The following SDK2 variants were observed in gnomAD, a reference collection of about 807,000 sequenced individuals.
SDK2 encodes the protein sidekick cell adhesion molecule 2.
A neutral mutation model predicts 253.9 loss-of-function variants in SDK2; 105 were observed. That is an observed-to-expected ratio of 0.41 (90% CI 0.35 to 0.49). The LOEUF is 0.49. SDK2 is among the 20% of genes least tolerant of loss of function. The probability of loss-of-function intolerance (pLI) is 0.06; values close to 1 mark genes in which losing one functional copy is unlikely to be tolerated. For missense variants in SDK2, 2,608 were observed against 3,003.0 expected (o/e 0.87, Z 3.07); for synonymous variants, 1,249 against 1,234.9 (o/e 1.01, Z -0.24).
Position 73,601,415 on chromosome 17 carries a change from G to A in SDK2, c.64+42610C>T, listed in dbSNP as rs573424107. Among the ~76,000 whole-genome samples, 5 of 152,320 alleles carry A rather than the reference G, an allele frequency of 3.3e-5. No homozygotes were observed. In the South Asian group the frequency reaches 8.3e-4, roughly 25 times the overall value. ...AATTCATGTCCACCCAGAACCTCAC[G>A]ATGTGGCCTAATTTGGAAAGAAGGT... On this transcript the variant is annotated intron_variant, in intron 1 of 44. Coordinates refer to ENST00000392650, the MANE Select transcript of SDK2 (RefSeq NM_001144952.2).
intron 1 of SDK2, among the ~76,000 whole-genome samples, chr17:73,575,896 G>T (rs754049769): frequency 6.6e-6 from 1 of 152,138 alleles, no homozygotes; most frequent in Non-Finnish European, 1.5e-5. Context: ...CAGTCTCAAG[G>T]GGGAGAGGAG....
At chr17:73,571,719 C>T (rs573272887) in intron 1 of SDK2, among the ~76,000 whole-genome samples, 53 of 152,236 alleles carry the variant, frequency 3.5e-4, no homozygotes, top group Non-Finnish European at 4.3e-4. Context: ...CGTTTCCCGC[C>T]CGGCCTGCCT....
At chr17:73,532,163 G>A (rs1206281561) in intron 1 of SDK2, among the ~76,000 whole-genome samples, 1 of 152,200 alleles carries the variant, frequency 6.6e-6, no homozygotes, top group African/African-American at 2.4e-5. Context: ...CTAGTGGGTA[G>A]AGGCCAGGCT....
intron 1 of SDK2, among the ~76,000 whole-genome samples, chr17:73,590,645 A>G (rs1245179553): frequency 1.3e-5 from 2 of 152,224 alleles, no homozygotes; most frequent in Non-Finnish European, 2.9e-5. Flanking sequence ...GGGCATGGCC[A>G]ACCCGGAGAG....
Position 73,401,205 on chromosome 17 carries a change from C to T in SDK2, c.2786G>A (p.Arg929Gln), listed in dbSNP as rs191033175. ...TCGATTGTACTCCTCCCAGGAGATC[C>T]GGTACCCTGGGGAGAGCCGCCGTGT... ...GEKNGILTGY[R>Q]ISWEEYNRTN... Residue 929 changes from arginine to glutamine, a missense_variant, in exon 21 of 45, where the codon CGG (arginine) becomes CAG (glutamine). Arg to Gln is a conservative substitution (Grantham distance 43, BLOSUM62 1). Transcript: ENST00000392650. 36 of 1,548,508 alleles carry T rather than the reference C, an allele frequency of 2.3e-5. No individual in the cohort carries two copies. The highest frequency in any genetic ancestry group is 2.7e-5 in the African/African-American group (2 of 73,160).
chr17:73,590,649 C>A (rs186217157), intron 1 of SDK2, among the ~76,000 whole-genome samples: 1 of 152,152 alleles, frequency 6.6e-6, no homozygotes, highest in African/African-American at 2.4e-5. Context: ...ATGGCCAACC[C>A]GGAGAGTCAC....
At chr17:73,631,261 G>T (rs919373876) in intron 1 of SDK2, among the ~76,000 whole-genome samples, 2 of 152,192 alleles carry the variant, frequency 1.3e-5, no homozygotes, top group Non-Finnish European at 2.9e-5. Context: ...ACAACGGTCT[G>T]CCGGCCAACC....
intron 1 of SDK2, among the ~76,000 whole-genome samples, chr17:73,596,976 G>C (rs958596194): frequency 6.6e-6 from 1 of 152,142 alleles, no homozygotes; most frequent in Admixed American, 6.5e-5. Flanking sequence ...GACTCTGGTC[G>C]GGAGTCCGGC....
chr17:73,609,768 C>A lies in SDK2; in HGVS notation c.64+34257G>T, dbSNP rs1226981861. Among the ~76,000 whole-genome samples the A allele has an allele frequency of 6.6e-6, 1 of 152,190 alleles. No homozygotes were observed. Among genetic ancestry groups the A allele is most frequent in the East Asian group, 1.9e-4 (1 of 5,192 alleles). ...CAAAGCACAGGAGGGAGGGAGGGAA[C>A]TGCTGGGGCCAAAGTGGGAAAGAGA... On this transcript the variant is annotated intron_variant, in intron 1 of 44. Transcript: ENST00000392650. This position sits in a 1 kb window ranked among gnomAD's most constrained non-coding sequence, Gnocchi z 4.4.
At chr17:73,577,904 G>T (rs2045478602) in intron 1 of SDK2, among the ~76,000 whole-genome samples, 1 of 152,186 alleles carries the variant, frequency 6.6e-6, no homozygotes, top group South Asian at 2.1e-4. Context: ...TGAATTCTGA[G>T]TGGGACCAGT....
chr17:73,629,388 T>C lies in SDK2; in HGVS notation c.64+14637A>G, dbSNP rs905777779. On this transcript the variant is annotated intron_variant, in intron 1 of 44. Coordinates refer to ENST00000392650, the MANE Select transcript of SDK2 (RefSeq NM_001144952.2). This position sits in a 1 kb window ranked among gnomAD's most constrained non-coding sequence, Gnocchi z 5.0. ...TGACGCTTGCATAGCTTCTATGAGA[T>C]GGTTGCTGCCCAGGAATGCAAGTGA... Among the ~76,000 whole-genome samples, 2 of 152,174 alleles carry C rather than the reference T, an allele frequency of 1.3e-5. No individual in the cohort carries two copies. The highest frequency in any genetic ancestry group is 2.9e-5 in the Non-Finnish European group (2 of 68,020).
At chr17:73,360,402 G>A (rs1245307382) in intron 39 of SDK2, among the ~76,000 whole-genome samples, 1 of 152,196 alleles carries the variant, frequency 6.6e-6, no homozygotes, top group Non-Finnish European at 1.5e-5. Context: ...CTGCTGGGGA[G>A]GGGAGGCCTG....
At chr17:73,408,383 ATTT>A (rs538704048) in intron 18 of SDK2, among the ~76,000 whole-genome samples, 1 of 17,842 alleles carries the variant, frequency 5.6e-5, no homozygotes. Context: ...GCGCCTGGCT[ATTT>A]TTTTTTTTTT....
intron 18 of SDK2, among the ~76,000 whole-genome samples, 158 bp from the exon 19 acceptor site, chr17:73,402,299 C>T (rs1008996323): frequency 5.3e-5 from 8 of 152,202 alleles, no homozygotes; most frequent in Middle Eastern, 3.2e-3. Context: ...AGGGAACCTG[C>T]GGGGTACTGG....
chr17:73,643,838 A>G lies in SDK2; in HGVS notation c.64+187T>C, dbSNP rs557922352. 4.9e-3 allele frequency among the ~76,000 whole-genome samples: 736 copies of G among 151,322 alleles called. 6 individuals carry two copies. Among genetic ancestry groups the G allele is most frequent in the African/African-American group, 0.017 (711 of 41,194 alleles). On this transcript the variant is annotated intron_variant, in intron 1 of 44. Transcript: ENST00000392650. This position sits in a 1 kb window ranked among gnomAD's most constrained non-coding sequence, Gnocchi z 6.9. ...TTCGGAAGCCACAAGTCTCGGAGAGACTGCCCCACCCCCAAAAGAGCCCCA... is the reference window on the plus strand; with the variant it reads ...TTCGGAAGCCACAAGTCTCGGAGAGGCTGCCCCACCCCCAAAAGAGCCCCA...
At chr17:73,418,036 G>C (rs1308084079) in intron 16 of SDK2, among the ~76,000 whole-genome samples, 1 of 32,376 alleles carries the variant, frequency 3.1e-5, no homozygotes, top group Non-Finnish European at 9.0e-5. Context: ...TTTGTTTTTA[G>C]ATGGAGTCTC....
At position 73,454,551 on chromosome 17, in the gene SDK2, C is replaced by A. The variant is rs938678927; in HGVS notation, c.479+1355G>T. ...ACGCCTCCTTTCTGCAGGTGCTCTG[C>A]GGACTGGAAGGAGAACGAGATTGAG... is the stretch of plus-strand genomic sequence containing the variant. On this transcript the variant is annotated intron_variant, in intron 4 of 44. Transcript: ENST00000392650. Among the ~76,000 whole-genome samples, 3 of 152,190 alleles carry A rather than the reference C, an allele frequency of 2.0e-5. No individual in the cohort carries two copies. The South Asian group carries it at 6.2e-4, about 31-fold the overall frequency.
At chr17:73,434,877 C>G (rs931023738) in intron 9 of SDK2, among the ~76,000 whole-genome samples, 21 of 152,060 alleles carry the variant, frequency 1.4e-4, no homozygotes, top group African/African-American at 5.1e-4. Flanking sequence ...TGATCCACCC[C>G]CCTCGACCTC....
chr17:73,555,871 A>G (rs2045136293), intron 1 of SDK2, among the ~76,000 whole-genome samples: 1 of 152,216 alleles, frequency 6.6e-6, no homozygotes, highest in Non-Finnish European at 1.5e-5. Context: ...TGGCGGCTTG[A>G]AACCTTGCTC....
Sources: gnomAD v4.1 joint callset for allele counts (sites outside exome capture counted in the v4.1 genomes callset) on GRCh38, gnomAD v4.1.1 for gene constraint, Gnocchi (gnomAD v3.1) non-coding constraint, MANE v1.5 for transcripts, NCBI Gene and HGNC (gene_info 2026-07-23, HGNC 2026-07-21) for gene names.